Variants in KALRN observed in about 807,000 individuals in gnomAD.
The protein encoded by KALRN is kalirin RhoGEF kinase, also known as kalirin.
Under a neutral mutation model 353.7 loss-of-function variants are expected in KALRN, and 70 were observed. That is an observed-to-expected ratio of 0.20 (90% CI 0.16 to 0.24). The LOEUF is 0.24. KALRN is among the 10% of genes least tolerant of loss of function. KALRN has a pLI of 1.00. For synonymous variants in KALRN, 1,391 were observed against 1,434.8 expected (o/e 0.97, Z 0.69); for missense variants, 2,791 against 3,756.7 (o/e 0.74, Z 6.72).
At chr3:124,651,302 T>C (rs1309435795) in intron 38 of KALRN, among the ~76,000 whole-genome samples, 8 of 152,210 alleles carry the variant, frequency 5.3e-5, no homozygotes, top group Non-Finnish European at 1.2e-4. Context: ...GATAGTCTGA[T>C]AGAGATCACC....
At chr3:124,628,170 TTCCC>T (rs1190641338) in intron 34 of KALRN, among the ~76,000 whole-genome samples, 1 of 29,692 alleles carries the variant, frequency 3.4e-5, no homozygotes, top group African/African-American at 2.4e-4. Context: ...CCTTCCTTCC[TTCCC>T]TCCCTCCCTC....
chr3:124,109,565 A>G (rs1464681894), intron 1 of KALRN, among the ~76,000 whole-genome samples: 2 of 151,804 alleles, frequency 1.3e-5, no homozygotes, highest in African/African-American at 4.8e-5. Context: ...TTTGTTTGAT[A>G]ATTCCATTAT....
intron 9 of KALRN, among the ~76,000 whole-genome samples, chr3:124,342,983 A>G (rs1485725029): frequency 6.6e-6 from 1 of 151,762 alleles, no homozygotes; most frequent in Admixed American, 6.6e-5. Context: ...CTGCCTCTCC[A>G]TCTCCCCCAT....
At chr3:124,184,451 CA>C (rs1210409195) in intron 1 of KALRN, among the ~76,000 whole-genome samples, 2 of 152,114 alleles carry the variant, frequency 1.3e-5, no homozygotes, top group East Asian at 3.8e-4. Flanking sequence ...AATAAATTCC[CA>C]ACTCGTTAGC....
intron 33 of KALRN, among the ~76,000 whole-genome samples, chr3:124,543,645 C>T (rs2069305816): frequency 6.6e-6 from 1 of 151,668 alleles, no homozygotes; most frequent in African/African-American, 2.4e-5. Flanking sequence ...TTTAATGTGG[C>T]ATTTTCTTTA....
intron 1 of KALRN, among the ~76,000 whole-genome samples, chr3:124,217,154 C>A (rs2077415927): frequency 6.6e-6 from 1 of 152,190 alleles, no homozygotes; most frequent in Admixed American, 6.5e-5. Flanking sequence ...GTTGGTTAGT[C>A]TGACTCTTTC....
At chr3:124,575,857 C>T (rs565095032) in intron 34 of KALRN, among the ~76,000 whole-genome samples, 3 of 152,268 alleles carry the variant, frequency 2.0e-5, no homozygotes, top group African/African-American at 4.8e-5. Context: ...CCCCTTGCCT[C>T]GAGGTCCCTA....
At chr3:124,051,101 A>G (rs2040994695) in intron 1 of KALRN, among the ~76,000 whole-genome samples, 1 of 152,182 alleles carries the variant, frequency 6.6e-6, no homozygotes, top group African/African-American at 2.4e-5. Context: ...ATACATGTAT[A>G]TGCTTATGTG....
At chr3:124,596,802 C>T (rs1296439519) in intron 34 of KALRN, among the ~76,000 whole-genome samples, 1 of 152,226 alleles carries the variant, frequency 6.6e-6, no homozygotes, top group Admixed American at 6.5e-5. Context: ...AATCCCAACA[C>T]TTTGGGAGGC....
intron 6 of KALRN, among the ~76,000 whole-genome samples, chr3:124,312,064 T>C (rs1358687608): frequency 1.3e-5 from 2 of 152,248 alleles, no homozygotes; most frequent in African/African-American, 4.8e-5. Context: ...GAAAATGTTC[T>C]AAAATTGATT....
intron 1 of KALRN, among the ~76,000 whole-genome samples, chr3:124,181,236 GACTGC>G (rs2073559486): frequency 6.6e-6 from 1 of 152,054 alleles, no homozygotes; most frequent in African/African-American, 2.4e-5. Context: ...GGGCAATGGA[GACTGC>G]ACTTGTGCTT....
At chr3:124,094,426 A>T (rs2061305418) in intron 1 of KALRN, among the ~76,000 whole-genome samples, 2 of 152,244 alleles carry the variant, frequency 1.3e-5, no homozygotes, top group Admixed American at 1.3e-4. Context: ...TGGAGGAGCC[A>T]CTGGCCTCTG....
chr3:124,255,770 ACTT>A (rs1451108816), intron 3 of KALRN, among the ~76,000 whole-genome samples: 2 of 152,160 alleles, frequency 1.3e-5, no homozygotes, highest in Admixed American at 1.3e-4. Context: ...GTAAGAGAAG[ACTT>A]CTTGGAAGAA....
intron 45 of KALRN, among the ~76,000 whole-genome samples, chr3:124,664,935 A>T (rs2085430116): frequency 6.6e-6 from 1 of 152,176 alleles, no homozygotes; most frequent in Non-Finnish European, 1.5e-5. Context: ...ATAACCCATG[A>T]TAGGTTCTTG....
intron 34 of KALRN, among the ~76,000 whole-genome samples, chr3:124,612,246 C>T (rs537106775): frequency 6.6e-6 from 1 of 152,008 alleles, no homozygotes; most frequent in East Asian, 1.9e-4. Flanking sequence ...TCTTATTACC[C>T]AGGCTGGAGT....
intron 1 of KALRN, among the ~76,000 whole-genome samples, chr3:124,174,466 A>C (rs2072372360): frequency 6.6e-6 from 1 of 152,190 alleles, no homozygotes; most frequent in Middle Eastern, 3.2e-3. Context: ...CATTTTATAC[A>C]CAAGGCTCAC....
At chr3:124,158,446 G>A (rs145046901) in intron 1 of KALRN, among the ~76,000 whole-genome samples, 85 of 152,360 alleles carry the variant, frequency 5.6e-4, no homozygotes, top group African/African-American at 1.9e-3. Flanking sequence ...ATCAGTAGAA[G>A]CCGGATCTGA....
intron 25 of KALRN, among the ~76,000 whole-genome samples, chr3:124,468,368 C>A (rs2060552229): frequency 6.6e-6 from 1 of 152,064 alleles, no homozygotes; most frequent in Non-Finnish European, 1.5e-5. Flanking sequence ...CATGGCTGCA[C>A]GGCAGAGCGC....
intron 5 of KALRN, among the ~76,000 whole-genome samples, chr3:124,285,455 A>T (rs2075741262): frequency 6.6e-6 from 1 of 152,258 alleles, no homozygotes; most frequent in African/African-American, 2.4e-5. Flanking sequence ...CTTCACCACT[A>T]TGCAATCTAT....
Sources: allele counts gnomAD v4.1 joint callset (sites outside exome capture counted in the v4.1 genomes callset), GRCh38; gene constraint gnomAD v4.1.1; transcripts MANE v1.5; gene names NCBI Gene and HGNC (gene_info 2026-07-23, HGNC 2026-07-21).